PDSS2: variants seen among roughly 807,000 people sequenced by gnomAD.
PDSS2 encodes decaprenyl diphosphate synthase subunit 2.
A neutral mutation model predicts 44.5 loss-of-function variants in PDSS2; 31 were observed. The ratio of observed to expected loss-of-function variants is 0.70; its 90% confidence interval spans 0.52 to 0.94. The LOEUF (loss-of-function observed/expected upper bound fraction) is 0.94, where lower values mean the gene tolerates loss of function less well. PDSS2 is among the 40% of genes least tolerant of loss of function. The pLI, the probability that PDSS2 is intolerant of heterozygous loss-of-function variation, is 0.00. For synonymous variants in PDSS2, 157 were observed against 180.3 expected, an observed-to-expected ratio of 0.87 and a Z score of 1.03; for missense variants, 452 against 482.2, an observed-to-expected ratio of 0.94 and a Z score of 0.59.
chr6:107,411,995 C>T (rs1780515456), intron 1 of PDSS2, among the ~76,000 whole-genome samples: 1 of 150,064 alleles, frequency 6.7e-6, no homozygotes, highest in South Asian at 2.1e-4. Context: ...AAGCGATTCT[C>T]CTGCCTCAGT....
intron 1 of PDSS2, among the ~76,000 whole-genome samples, chr6:107,390,535 A>AT (rs770973499): frequency 1.5e-4 from 23 of 152,168 alleles, no homozygotes; most frequent in Non-Finnish European, 3.2e-4. Context: ...GGTATACTGC[A>AT]TTGGATCCTG....
chr6:107,171,037 G>A (rs1357804973), intron 7 of PDSS2, among the ~76,000 whole-genome samples: 1 of 152,216 alleles, frequency 6.6e-6, no homozygotes, highest in Non-Finnish European at 1.5e-5. Context: ...ATACAGAGAG[G>A]AACACAGTTG....
At chr6:107,404,473 AT>A (rs1396115990) in intron 1 of PDSS2, among the ~76,000 whole-genome samples, 1 of 152,216 alleles carries the variant, frequency 6.6e-6, no homozygotes, top group Non-Finnish European at 1.5e-5. Context: ...TAATAAAGAC[AT>A]ATCTGAGACT....
At chr6:107,233,108 C>A (rs1367639082) in intron 4 of PDSS2, among the ~76,000 whole-genome samples, 1 of 152,150 alleles carries the variant, frequency 6.6e-6, no homozygotes, top group Non-Finnish European at 1.5e-5. Flanking sequence ...TGAGCCACTG[C>A]GCTGGGTCCA....
At chr6:107,447,835 G>A (rs149535168) in intron 1 of PDSS2, among the ~76,000 whole-genome samples, 622 of 152,346 alleles carry the variant, frequency 4.1e-3, no homozygotes, top group Non-Finnish European at 6.7e-3. Flanking sequence ...GGTTCTCCAT[G>A]AGGGCTCCAC....
chr6:107,199,039 A>G (rs1025594557), intron 6 of PDSS2, among the ~76,000 whole-genome samples: 2 of 152,200 alleles, frequency 1.3e-5, no homozygotes, highest in African/African-American at 2.4e-5. Flanking sequence ...ATACAAATAA[A>G]TGATTTAGAT....
At chr6:107,402,749 AAACTAG>A (rs1275716874) in intron 1 of PDSS2, among the ~76,000 whole-genome samples, 1 of 151,380 alleles carries the variant, frequency 6.6e-6, no homozygotes, top group Admixed American at 6.6e-5. Context: ...ATAGAACTAT[AAACTAG>A]AACTAGAACT....
intron 4 of PDSS2, among the ~76,000 whole-genome samples, chr6:107,240,235 T>C (rs1245278978): frequency 1.3e-5 from 2 of 151,972 alleles, no homozygotes; most frequent in African/African-American, 2.4e-5. Context: ...TGGTGAGACC[T>C]TGTCTCTACA....
At chr6:107,421,644 ACAGAT>A (rs2114703584) in intron 1 of PDSS2, among the ~76,000 whole-genome samples, 1 of 152,032 alleles carries the variant, frequency 6.6e-6, no homozygotes, top group South Asian at 2.1e-4. Context: ...ATAAAAATGA[ACAGAT>A]CAGGCAGTGC....
chr6:107,181,334 A>G (rs1279116404), intron 7 of PDSS2, among the ~76,000 whole-genome samples: 1 of 151,668 alleles, frequency 6.6e-6, no homozygotes, highest in Non-Finnish European at 1.5e-5. Context: ...GGAGTTCAAG[A>G]TCAGCCTAGC....
chr6:107,280,121 G>A (rs921616857), intron 2 of PDSS2, among the ~76,000 whole-genome samples: 4 of 152,088 alleles, frequency 2.6e-5, no homozygotes, highest in East Asian at 1.9e-4. Context: ...GTGCAGTAAC[G>A]TGATCTCGGC....
At chr6:107,387,780 A>G (rs1448154951) in intron 1 of PDSS2, among the ~76,000 whole-genome samples, 2 of 152,224 alleles carry the variant, frequency 1.3e-5, no homozygotes, top group East Asian at 3.9e-4. Context: ...AGAAGTTGCA[A>G]TGATTTCATT....
At chr6:107,351,271 G>C (rs924178827) in intron 1 of PDSS2, among the ~76,000 whole-genome samples, 2 of 152,096 alleles carry the variant, frequency 1.3e-5, no homozygotes, top group African/African-American at 4.8e-5. Flanking sequence ...GACTTCTCTT[G>C]GTATAAAGTT....
chr6:107,187,740 G>A (rs1449469865), intron 7 of PDSS2, among the ~76,000 whole-genome samples: 1 of 151,654 alleles, frequency 6.6e-6, no homozygotes, highest in East Asian at 1.9e-4. Flanking sequence ...CTAACCTCCT[G>A]TACGTCTCCT....
intron 6 of PDSS2, among the ~76,000 whole-genome samples, chr6:107,204,124 G>C (rs1224152737): frequency 6.6e-6 from 1 of 151,946 alleles, no homozygotes; most frequent in African/African-American, 2.4e-5. Flanking sequence ...TGTATTTTTA[G>C]TAGAGATGGG....
chr6:107,189,315 C>A (rs1772285635), intron 7 of PDSS2, among the ~76,000 whole-genome samples: 1 of 151,934 alleles, frequency 6.6e-6, no homozygotes, highest in Admixed American at 6.6e-5. Flanking sequence ...AAAGTGTTGG[C>A]CACTATACCC....
rs1246044066 is a variant in PDSS2 at position 107,212,293 on chromosome 6, A to G, written c.703-11T>C. The G allele has an allele frequency of 1.2e-6, 2 of 1,602,476 alleles. No individual in the cohort carries two copies. On this transcript the variant is annotated splice_polypyrimidine_tract_variant and intron_variant, in intron 4 of 7. Coordinates refer to ENST00000369037, the MANE Select transcript of PDSS2 (RefSeq NM_020381.4). ...TGTGATATAACTTTCCTAAAAATGT[A>G]ACAAAAGCCAAGATAAAAAAGACTT...
At chr6:107,305,791 C>G (rs766279019) in intron 2 of PDSS2, among the ~76,000 whole-genome samples, 1 of 152,036 alleles carries the variant, frequency 6.6e-6, no homozygotes, top group Non-Finnish European at 1.5e-5. Context: ...GGTTAAGTAC[C>G]TCTTATGTGG....
At chr6:107,247,020 T>C (rs1562405312) in intron 3 of PDSS2, among the ~76,000 whole-genome samples, 1 of 152,078 alleles carries the variant, frequency 6.6e-6, no homozygotes, top group Non-Finnish European at 1.5e-5. Context: ...ATGAATGGAT[T>C]TTTTTCCCCC....
Sources: gnomAD v4.1 joint callset for allele counts (sites outside exome capture counted in the v4.1 genomes callset) on GRCh38, gnomAD v4.1.1 for gene constraint, MANE v1.5 for transcripts, NCBI Gene and HGNC (gene_info 2026-07-23, HGNC 2026-07-21) for gene names.